CNTN4: variants seen among roughly 807,000 people sequenced by gnomAD.
The protein encoded by CNTN4 is contactin 4.
A neutral mutation model predicts 122.5 loss-of-function variants in CNTN4; 77 were observed. That is an observed-to-expected ratio of 0.63 (90% CI 0.52 to 0.76). The LOEUF (loss-of-function observed/expected upper bound fraction) is 0.76, where lower values mean the gene tolerates loss of function less well. Among genes scored for constraint, CNTN4 ranks in the 30% least tolerant of loss-of-function variants. CNTN4 has a pLI of 0.00. For missense variants in CNTN4, 1,256 were observed against 1,259.1 expected (o/e 1.00, Z 0.04); for synonymous variants, 512 against 447.0 (o/e 1.15, Z -1.83).
At chr3:3,005,155 G>A (rs1196023455) in intron 14 of CNTN4, among the ~76,000 whole-genome samples, 6 of 152,050 alleles carry the variant, frequency 3.9e-5, no homozygotes, top group Non-Finnish European at 5.9e-5. Flanking sequence ...TTCCTGCTGG[G>A]GTGGCTGATT....
At chr3:2,811,477 T>C (rs1243557869) in intron 6 of CNTN4, among the ~76,000 whole-genome samples, 6 of 150,512 alleles carry the variant, frequency 4.0e-5, no homozygotes, top group Admixed American at 6.6e-5. Context: ...ATTTATTTAT[T>C]TGAGGCAGAG....
chr3:2,328,678 T>A, intron 2 of CNTN4, among the ~76,000 whole-genome samples: 1 of 151,150 alleles, frequency 6.6e-6, no homozygotes, highest in South Asian at 2.1e-4. Context: ...AAAAAAACAA[T>A]AAAAAATAAC....
chr3:2,555,456 G>A (rs1458497251), intron 3 of CNTN4, among the ~76,000 whole-genome samples: 1 of 152,162 alleles, frequency 6.6e-6, no homozygotes, highest in African/African-American at 2.4e-5. Flanking sequence ...TTAGGGCATG[G>A]ATAGTAGCAA....
chr3:2,125,023 A>G (rs910289312), intron 2 of CNTN4, among the ~76,000 whole-genome samples: 5 of 152,166 alleles, frequency 3.3e-5, no homozygotes, highest in African/African-American at 7.2e-5. Context: ...GTTGTTAACT[A>G]TAGGCACTAT....
At chr3:2,445,510 T>C (rs1478348916) in intron 3 of CNTN4, among the ~76,000 whole-genome samples, 1 of 152,196 alleles carries the variant, frequency 6.6e-6, no homozygotes, top group Non-Finnish European at 1.5e-5. Context: ...ATCTTGCCGC[T>C]TGAAAAACAT....
intron 6 of CNTN4, among the ~76,000 whole-genome samples, chr3:2,802,215 C>T (rs2092364992): frequency 6.6e-6 from 1 of 152,182 alleles, no homozygotes; most frequent in Non-Finnish European, 1.5e-5. Flanking sequence ...ATCGATAACC[C>T]TCACATCAAT....
chr3:2,286,748 A>G (rs1685438), intron 2 of CNTN4, among the ~76,000 whole-genome samples: 149,388 of 152,276 alleles, frequency 0.98, 73,342 homozygotes, highest in Middle Eastern at 1. Context: ...TCTGGGCACC[A>G]TATTTTCAAA....
intron 3 of CNTN4, among the ~76,000 whole-genome samples, chr3:2,568,068 C>G (rs2079253233): frequency 6.6e-6 from 1 of 152,072 alleles, no homozygotes; most frequent in Non-Finnish European, 1.5e-5. Flanking sequence ...ACATGGTAAA[C>G]ACGATTACTT....
intron 3 of CNTN4, among the ~76,000 whole-genome samples, chr3:2,545,719 G>A (rs183877629): frequency 2.0e-4 from 30 of 150,872 alleles, no homozygotes; most frequent in Non-Finnish European, 1.0e-4. Context: ...CATTTGCTTG[G>A]TAGATATTCT....
chr3:2,705,659 A>T (rs1210385183), intron 4 of CNTN4, among the ~76,000 whole-genome samples: 1 of 92,658 alleles, frequency 1.1e-5, no homozygotes, highest in Non-Finnish European at 1.8e-5. Context: ...AAAGTATATT[A>T]TATATATTTA....
At chr3:2,609,717 AC>A (rs2081401954) in intron 4 of CNTN4, among the ~76,000 whole-genome samples, 1 of 152,192 alleles carries the variant, frequency 6.6e-6, no homozygotes, top group Non-Finnish European at 1.5e-5. Context: ...GTGCTATGAA[AC>A]GTCTTTCTAG....
chr3:2,893,359 C>G (rs1297970081), intron 10 of CNTN4, among the ~76,000 whole-genome samples: 1 of 152,178 alleles, frequency 6.6e-6, no homozygotes, highest in Non-Finnish European at 1.5e-5. Flanking sequence ...AGATAATATT[C>G]AGCCCTGCAA....
chr3:2,616,566 A>G (rs1260018260), intron 4 of CNTN4, among the ~76,000 whole-genome samples: 2 of 152,210 alleles, frequency 1.3e-5, no homozygotes, highest in African/African-American at 4.8e-5. Flanking sequence ...TGTCTTCCAC[A>G]ATGGTTGAAC....
chr3:2,498,200 G>A (rs1164069763), intron 3 of CNTN4, among the ~76,000 whole-genome samples: 1 of 151,942 alleles, frequency 6.6e-6, no homozygotes, highest in Non-Finnish European at 1.5e-5. Context: ...GAATATATAT[G>A]GATTTTGAAT....
intron 4 of CNTN4, among the ~76,000 whole-genome samples, chr3:2,735,560 T>C (rs149613537): frequency 1.3e-4 from 20 of 152,352 alleles, no homozygotes; most frequent in African/African-American, 4.8e-4. Flanking sequence ...TGGGCGTTAC[T>C]GAGTCATCTG....
At chr3:3,035,457 G>A (rs887804732) in intron 17 of CNTN4, among the ~76,000 whole-genome samples, 26 of 152,094 alleles carry the variant, frequency 1.7e-4, no homozygotes, top group East Asian at 1.9e-4. Flanking sequence ...GGAAAGCAGC[G>A]GATTCTGCCT....
At chr3:2,341,615 C>T (rs1575416152) in intron 3 of CNTN4, among the ~76,000 whole-genome samples, 1 of 152,312 alleles carries the variant, frequency 6.6e-6, no homozygotes. Flanking sequence ...GCCCAGGCAC[C>T]CTGTGGTGCC....
chr3:2,611,367 A>G (rs1211488090), intron 4 of CNTN4, among the ~76,000 whole-genome samples: 3 of 150,594 alleles, frequency 2.0e-5, no homozygotes, highest in African/African-American at 7.3e-5. Flanking sequence ...TTCATCACAG[A>G]CAAGACTCTT....
intron 3 of CNTN4, among the ~76,000 whole-genome samples, chr3:2,478,147 C>A (rs969948632): frequency 6.6e-6 from 1 of 152,076 alleles, no homozygotes; most frequent in Non-Finnish European, 1.5e-5. Context: ...TGACTTGAAA[C>A]CTTTTCATTT....
Sources: gnomAD v4.1 joint callset for allele counts (sites outside exome capture counted in the v4.1 genomes callset) on GRCh38, gnomAD v4.1.1 for gene constraint, MANE v1.5 for transcripts, NCBI Gene and HGNC (gene_info 2026-07-23, HGNC 2026-07-21) for gene names.